Variants in PRORP observed in about 807,000 individuals in gnomAD.
PRORP encodes protein only RNase P catalytic subunit, also known as mitochondrial ribonuclease P catalytic subunit.
A neutral mutation model predicts 59.4 loss-of-function variants in PRORP; 51 were observed. That is an observed-to-expected ratio of 0.86 (90% CI 0.69 to 1.08). The LOEUF is 1.08. PRORP is among the 50% of genes least tolerant of loss of function. The pLI is 0.00. For missense variants in PRORP, 646 were observed against 690.3 expected (o/e 0.94, Z 0.72); for synonymous variants, 231 against 245.6 (o/e 0.94, Z 0.55).
intron 4 of PRORP, among the ~76,000 whole-genome samples, chr14:35,140,669 ATTGCTT>A (rs2047462356): frequency 6.9e-6 from 1 of 145,412 alleles, no homozygotes; most frequent in Admixed American, 7.2e-5. Context: ...TTCTGATTTA[ATTGCTT>A]TGGCTTGGTG....
intron 5 of PRORP, among the ~76,000 whole-genome samples, chr14:35,202,840 C>T (rs1040951583): frequency 6.6e-6 from 1 of 152,070 alleles, no homozygotes; most frequent in East Asian, 1.9e-4. Context: ...TGCCATGTTG[C>T]CCAGGCTGGT....
At chr14:35,156,954 C>CTT (rs1595206847) in intron 4 of PRORP, among the ~76,000 whole-genome samples, 2 of 59,244 alleles carry the variant, frequency 3.4e-5, no homozygotes, top group Non-Finnish European at 3.0e-5. Context: ...TTTCTTTTTT[C>CTT]TTTTCTTTTT....
chr14:35,131,554 A>G (rs1274498396), intron 4 of PRORP, among the ~76,000 whole-genome samples: 2 of 144,760 alleles, frequency 1.4e-5, no homozygotes, highest in Admixed American at 6.9e-5. Context: ...TTTGAGACAG[A>G]GTCTTGCTCT....
At chr14:35,151,086 G>A (rs1259402367) in intron 4 of PRORP, among the ~76,000 whole-genome samples, 1 of 152,148 alleles carries the variant, frequency 6.6e-6, no homozygotes, top group Non-Finnish European at 1.5e-5. Flanking sequence ...TATGGGAAAA[G>A]TGTTGTGAGT....
intron 5 of PRORP, among the ~76,000 whole-genome samples, chr14:35,217,500 CAAAA>C (rs1226022740): frequency 1.4e-5 from 1 of 73,830 alleles, no homozygotes. Flanking sequence ...GACTCTGTCT[CAAAA>C]AAAAAAAAAA....
At chr14:35,152,186 C>G (rs901320018) in intron 4 of PRORP, among the ~76,000 whole-genome samples, 8 of 152,206 alleles carry the variant, frequency 5.3e-5, no homozygotes, top group Admixed American at 5.2e-4. Flanking sequence ...CATCTTGCAC[C>G]GCCCTTAATC....
chr14:35,151,284 T>C (rs995283687), intron 4 of PRORP, among the ~76,000 whole-genome samples: 1 of 152,038 alleles, frequency 6.6e-6, no homozygotes, highest in Non-Finnish European at 1.5e-5. Context: ...TCTTAGAGAA[T>C]AGAATAATGT....
At position 35,266,797 on chromosome 14, in the gene PRORP, T is replaced by C. The variant is rs762220826; in HGVS notation, c.1346T>C (p.Leu449Pro). Residue 449 changes from leucine to proline, a missense_variant, in exon 6 of 8, where the codon CTA (leucine) becomes CCA (proline). Physicochemically the swap from Leu to Pro is moderately conservative, Grantham distance 98. Transcript: ENST00000534898. ...CTGGTCCTAGGCCGGAAGCACATGC[T>C]AAGACGGAGTTCCCAGTGGAGTCGG... The part of the protein sequence containing the change: ...RLLVLGRKHM[L>P]RRSSQWSRDE... The C allele has an allele frequency of 2.7e-5, 43 of 1,614,066 alleles. No individual in the cohort carries two copies. Among genetic ancestry groups the C allele is most frequent in the Non-Finnish European group, 3.6e-5 (43 of 1,180,022 alleles).
rs1311540671 is a variant in PRORP, at chr14:35,276,916, T to C, written c.*3350T>C. On this transcript the variant is annotated 3_prime_UTR_variant, in exon 8 of 8. Transcript: ENST00000534898. ...TATTCTCTCAGGGCTCTGTTGGGTC[T>C]ACCTCATCTGAGGTGGCTTATTCTT... 2 of 152,232 alleles carry C rather than the reference T, an allele frequency of 1.3e-5. No individual in the cohort carries two copies. The highest frequency in any genetic ancestry group is 2.9e-5 in the Non-Finnish European group (2 of 68,042). The allele number at this position is 152,232 out of a possible 1,614,324, so 9.4% of individuals were successfully genotyped here.
intron 4 of PRORP, among the ~76,000 whole-genome samples, chr14:35,138,342 C>G (rs1037312356): frequency 2.1e-5 from 3 of 145,696 alleles, no homozygotes; most frequent in African/African-American, 7.3e-5. Context: ...GGTGAGTGGA[C>G]ACAAGTCAGT....
chr14:35,205,879 A>G (rs1245184471), intron 5 of PRORP, among the ~76,000 whole-genome samples: 3 of 151,984 alleles, frequency 2.0e-5, no homozygotes, highest in East Asian at 1.9e-4. Context: ...CCTAATCTCC[A>G]TGCTACCCCT....
intron 4 of PRORP, among the ~76,000 whole-genome samples, chr14:35,132,365 G>A (rs2047265225): frequency 1.3e-5 from 2 of 151,940 alleles, no homozygotes; most frequent in South Asian, 2.1e-4. Flanking sequence ...GGCTGAGGCA[G>A]GAGAATCGTT....
chr14:35,186,298 A>T (rs556652785), intron 5 of PRORP, among the ~76,000 whole-genome samples: 1 of 151,938 alleles, frequency 6.6e-6, no homozygotes, highest in South Asian at 2.1e-4. Flanking sequence ...TGCTTTTGGC[A>T]CAATTGGAGA....
At chr14:35,212,780 T>C (rs902782904) in intron 5 of PRORP, among the ~76,000 whole-genome samples, 2 of 152,182 alleles carry the variant, frequency 1.3e-5, no homozygotes, top group Non-Finnish European at 2.9e-5. Flanking sequence ...ACAGCTACAT[T>C]AGCCCTTACA....
intron 5 of PRORP, among the ~76,000 whole-genome samples, chr14:35,258,951 C>G (rs1268205322): frequency 6.6e-6 from 1 of 152,190 alleles, no homozygotes; most frequent in East Asian, 1.9e-4. Context: ...CCTTTACTGT[C>G]TATAGCCTTC....
chr14:35,230,942 C>CACACAT (rs2050062484), intron 5 of PRORP, among the ~76,000 whole-genome samples: 1 of 59,434 alleles, frequency 1.7e-5, no homozygotes, highest in Non-Finnish European at 3.8e-5. Context: ...AAAGAGAACA[C>CACACAT]ACACACACAC....
intron 4 of PRORP, among the ~76,000 whole-genome samples, chr14:35,155,058 T>C (rs544928926): frequency 6.6e-6 from 1 of 152,222 alleles, no homozygotes; most frequent in Non-Finnish European, 1.5e-5. Context: ...CCACATCAGC[T>C]AAGTTTTGTA....
chr14:35,253,609 T>A (rs556482956), intron 5 of PRORP, among the ~76,000 whole-genome samples: 4 of 152,054 alleles, frequency 2.6e-5, no homozygotes, highest in African/African-American at 9.7e-5. Context: ...TGCATCCTTA[T>A]ATAGGATTTA....
intron 5 of PRORP, among the ~76,000 whole-genome samples, chr14:35,198,908 T>A (rs1207875608): frequency 6.6e-6 from 1 of 152,214 alleles, no homozygotes; most frequent in Non-Finnish European, 1.5e-5. Context: ...GGCTTACGCC[T>A]GTAATCCCAG....
Sources: allele counts gnomAD v4.1 joint callset (sites outside exome capture counted in the v4.1 genomes callset), GRCh38; gene constraint gnomAD v4.1.1; transcripts MANE v1.5; gene names NCBI Gene and HGNC (gene_info 2026-07-23, HGNC 2026-07-21).